Variants in MNAT1 observed in about 807,000 individuals in gnomAD.
MNAT1 encodes the protein CDK-activating kinase assembly factor MAT1.
A neutral mutation model predicts 42.0 loss-of-function variants in MNAT1; 43 were observed. The ratio of observed to expected loss-of-function variants is 1.02; its 90% CI spans 0.80 to 1.32. The LOEUF is 1.32. MNAT1 is among the 40% of genes most tolerant of loss of function. MNAT1 has a pLI of 0.00. For missense variants in MNAT1, 306 were observed against 350.4 expected (o/e 0.87, Z 1.01); for synonymous variants, 118 against 120.0 (o/e 0.98, Z 0.11).
At chr14:60,899,840 T>C (rs921674236) in intron 7 of MNAT1, among the ~76,000 whole-genome samples, 1 of 152,220 alleles carries the variant, frequency 6.6e-6, no homozygotes, top group African/African-American at 2.4e-5. Flanking sequence ...CAACAGCATG[T>C]ACTCACCTCA....
intron 7 of MNAT1, among the ~76,000 whole-genome samples, chr14:60,897,890 T>C (rs1174650786): frequency 6.6e-6 from 1 of 152,194 alleles, no homozygotes; most frequent in Non-Finnish European, 1.5e-5. Context: ...TCTCTTTATT[T>C]TTCCTTTCCG....
intron 6 of MNAT1, among the ~76,000 whole-genome samples, chr14:60,831,211 A>G (rs1316660834): frequency 2.6e-5 from 4 of 151,274 alleles, no homozygotes; most frequent in Non-Finnish European, 5.9e-5. Flanking sequence ...TGTGGAGGTA[A>G]GTTCTTGGGA....
intron 7 of MNAT1, among the ~76,000 whole-genome samples, chr14:60,888,242 T>A (rs2034732691): frequency 6.7e-6 from 1 of 149,880 alleles, no homozygotes; most frequent in Non-Finnish European, 1.5e-5. Flanking sequence ...TCAAAAAGCT[T>A]ATCCACCATG....
At chr14:60,841,516 A>G (rs1254929857) in intron 6 of MNAT1, among the ~76,000 whole-genome samples, 2 of 151,602 alleles carry the variant, frequency 1.3e-5, no homozygotes, top group Non-Finnish European at 2.9e-5. Context: ...TTCTCTCATC[A>G]TTCATATTTC....
chr14:60,738,428 G>A (rs1896371046), intron 1 of MNAT1, among the ~76,000 whole-genome samples: 1 of 151,732 alleles, frequency 6.6e-6, no homozygotes, highest in African/African-American at 2.4e-5. Flanking sequence ...GCTAATTTTT[G>A]TATTTTTAGT....
chr14:60,762,386 T>G (rs1011248677), intron 1 of MNAT1, among the ~76,000 whole-genome samples: 2 of 152,026 alleles, frequency 1.3e-5, no homozygotes, highest in Non-Finnish European at 2.9e-5. Flanking sequence ...GGGAAGTATG[T>G]AAAGACACTG....
chr14:60,778,501 A>G (rs2031330566), intron 1 of MNAT1, among the ~76,000 whole-genome samples: 1 of 152,170 alleles, frequency 6.6e-6, no homozygotes, highest in Non-Finnish European at 1.5e-5. Flanking sequence ...TGGGATTAAC[A>G]CATATTCTGG....
At chr14:60,773,256 T>C (rs2031130865) in intron 1 of MNAT1, among the ~76,000 whole-genome samples, 2 of 152,100 alleles carry the variant, frequency 1.3e-5, no homozygotes, top group South Asian at 4.1e-4. Flanking sequence ...TTTTAATAAG[T>C]TGAAATTGTG....
intron 2 of MNAT1, 70 bp from the exon 3 acceptor site, chr14:60,798,017 A>G (rs143138937): frequency 4.0e-5 from 30 of 743,514 alleles, no homozygotes; most frequent in African/African-American, 7.1e-5. Context: ...GGTCAGAACA[A>G]GCAAACCAGT....
chr14:60,811,932 T>C, intron 4 of MNAT1, 55 bp from the exon 5 acceptor site: 1 of 1,412,376 alleles, frequency 7.1e-7, no homozygotes, highest in Non-Finnish European at 9.5e-7. Flanking sequence ...GTGTGGTATA[T>C]GATTGCTCTT....
intron 7 of MNAT1, among the ~76,000 whole-genome samples, chr14:60,943,564 G>T (rs891044938): frequency 6.6e-6 from 1 of 151,408 alleles, no homozygotes; most frequent in Non-Finnish European, 1.5e-5. Flanking sequence ...TCAATTATCT[G>T]TTCAGGCAGT....
At chr14:60,735,975 G>C (rs1396064177) in intron 1 of MNAT1, among the ~76,000 whole-genome samples, 1 of 152,204 alleles carries the variant, frequency 6.6e-6, no homozygotes, top group Non-Finnish European at 1.5e-5. Flanking sequence ...CAAAAATGTA[G>C]AGCAATGACA....
intron 7 of MNAT1, among the ~76,000 whole-genome samples, chr14:60,900,528 G>A (rs1188176513): frequency 6.6e-6 from 1 of 152,172 alleles, no homozygotes; most frequent in Admixed American, 6.5e-5. Context: ...ACAAAGGTTG[G>A]TTCATGAAAT....
chr14:60,848,165 G>A (rs2033727869), intron 6 of MNAT1, among the ~76,000 whole-genome samples: 1 of 152,108 alleles, frequency 6.6e-6, no homozygotes. Flanking sequence ...TTGTAGGGTA[G>A]TTTATTTGGA....
At chr14:60,843,438 T>A (rs891099832) in intron 6 of MNAT1, among the ~76,000 whole-genome samples, 12 of 151,868 alleles carry the variant, frequency 7.9e-5, no homozygotes, top group Admixed American at 3.9e-4. Context: ...GCCCGGCTAA[T>A]TTTTGGTATT....
chr14:60,737,219 G>A (rs1399777895), intron 1 of MNAT1, among the ~76,000 whole-genome samples: 1 of 152,100 alleles, frequency 6.6e-6, no homozygotes, highest in Non-Finnish European at 1.5e-5. Context: ...AGCAACGTAA[G>A]TTATTAAGTG....
intron 6 of MNAT1, among the ~76,000 whole-genome samples, chr14:60,867,972 T>C (rs1400070594): frequency 6.6e-6 from 1 of 152,164 alleles, no homozygotes; most frequent in African/African-American, 2.4e-5. Context: ...CAGGAAGTTA[T>C]TACCATGCAG....
At chr14:60,913,559 G>A (rs1343262566) in intron 7 of MNAT1, among the ~76,000 whole-genome samples, 2 of 152,168 alleles carry the variant, frequency 1.3e-5, no homozygotes, top group Admixed American at 6.5e-5. Flanking sequence ...AGGACCCTCA[G>A]CTGCAGGTCT....
intron 1 of MNAT1, among the ~76,000 whole-genome samples, chr14:60,759,460 C>T (rs2030504405): frequency 6.6e-6 from 1 of 152,102 alleles, no homozygotes; most frequent in African/African-American, 2.4e-5. Flanking sequence ...GAGGAGACAT[C>T]ATGTAAAAAT....
Sources: gnomAD v4.1 joint callset for allele counts (sites outside exome capture counted in the v4.1 genomes callset) on GRCh38, gnomAD v4.1.1 for gene constraint, MANE v1.5 for transcripts, NCBI Gene and HGNC (gene_info 2026-07-23, HGNC 2026-07-21) for gene names.